KCNN3: variants seen among roughly 807,000 people sequenced by gnomAD.
KCNN3 encodes the protein small conductance calcium-activated potassium channel protein 3.
In KCNN3, 16 loss-of-function variants were observed where a neutral mutation model predicts 62.9. The ratio of observed to expected loss-of-function variants is 0.25; its 90% CI spans 0.17 to 0.39. KCNN3 has a LOEUF of 0.39. Among genes scored for constraint, KCNN3 ranks in the 10% least tolerant of loss-of-function variants. The pLI, the probability that KCNN3 is intolerant of heterozygous loss-of-function variation, is 1.00. For missense variants in KCNN3, 599 were observed against 949.4 expected, an observed-to-expected ratio of 0.63 and a Z score of 4.85; for synonymous variants, 370 against 389.2, an observed-to-expected ratio of 0.95 and a Z score of 0.58.
chr1:154,748,272 G>A (rs1700983805), intron 3 of KCNN3, among the ~76,000 whole-genome samples: 1 of 151,880 alleles, frequency 6.6e-6, no homozygotes, highest in Non-Finnish European at 1.5e-5. Context: ...ACCCGCCCGG[G>A]GCCCTCAGTC....
rs896108252 is a variant in KCNN3 at position 154,699,697 on chromosome 1, T to C, written c.*8279A>G. 6.6e-6 allele frequency: 1 copy of C among 152,194 alleles called. No homozygotes were observed. The highest frequency in any genetic ancestry group is 2.4e-5 in the African/African-American group (1 of 41,444). 9.4% of individuals were successfully genotyped at this position (152,194 alleles called of 1,614,324 possible). A position where few individuals can be genotyped will look rare whatever the true frequency, so the allele number is the denominator to read the frequency against. On this transcript the variant is annotated 3_prime_UTR_variant, in exon 8 of 8. Transcript: ENST00000271915. ...AATGTTTCTAGATGGTTAAACTAACTTCTCTTGCTATTTTCCTCTAGGGGA... is the reference window on the plus strand; with the variant it reads ...AATGTTTCTAGATGGTTAAACTAACCTCTCTTGCTATTTTCCTCTAGGGGA...
intron 3 of KCNN3, among the ~76,000 whole-genome samples, chr1:154,748,773 C>A (rs1449874476): frequency 6.6e-6 from 1 of 152,150 alleles, no homozygotes; most frequent in Non-Finnish European, 1.5e-5. Flanking sequence ...CCAGACTGGG[C>A]AACATAGTGA....
At chr1:154,839,206 C>T (rs1017104438) in intron 1 of KCNN3, among the ~76,000 whole-genome samples, 1 of 152,154 alleles carries the variant, frequency 6.6e-6, no homozygotes, top group Admixed American at 6.5e-5. Context: ...TGCCCACCAC[C>T]ATCGAGTGAC....
intron 1 of KCNN3, among the ~76,000 whole-genome samples, chr1:154,849,852 C>G (rs1370047136): frequency 6.6e-6 from 1 of 152,178 alleles, no homozygotes. Flanking sequence ...GCATCCCTGG[C>G]CTCTCCACAT....
Position 154,713,033 on chromosome 1 carries a change from C to G in KCNN3, c.1899+431G>C, listed in dbSNP as rs145186155. On this transcript the variant is annotated intron_variant, in intron 7 of 7. Coordinates refer to ENST00000271915, the MANE Select transcript of KCNN3 (RefSeq NM_002249.6). ...AGTTGGTTAAGGACTGGAGGATGTA[C>G]AAAAATGAACTTCCAAGTATTACAG... 3.9e-5 allele frequency among the ~76,000 whole-genome samples: 6 copies of G among 152,276 alleles called. No homozygotes were observed. In the East Asian group the frequency reaches 1.2e-3, roughly 29 times the overall value.
rs772281829 is a variant in KCNN3 at position 154,862,830 on chromosome 1, C to T, written c.933+6202G>A. On this transcript the variant is annotated intron_variant, in intron 1 of 7. Transcript: ENST00000271915. The surrounding 1 kb of genome is among the most constrained non-coding windows in gnomAD (Gnocchi z 4.1). ...CGTGGTAAAGTTCCTCCTGTTCCAA[C>T]ATTTTGCATCACGGGTCTCAGTGCC... Among the ~76,000 whole-genome samples, 1 of 152,198 alleles carries T rather than the reference C, an allele frequency of 6.6e-6. No homozygotes were observed. Among genetic ancestry groups the T allele is most frequent in the Non-Finnish European group, 1.5e-5 (1 of 68,034 alleles).
intron 3 of KCNN3, among the ~76,000 whole-genome samples, chr1:154,742,802 C>T (rs918648950): frequency 1.3e-5 from 2 of 152,230 alleles, no homozygotes; most frequent in Non-Finnish European, 2.9e-5. Context: ...GCAAGTGATA[C>T]AGATAGAGGT....
rs138298078 is a variant in KCNN3, at chr1:154,852,892, C to G, written c.933+16140G>C. On this transcript the variant is annotated intron_variant, in intron 1 of 7. Coordinates refer to ENST00000271915, the MANE Select transcript of KCNN3 (RefSeq NM_002249.6). ...CCTCAGGGCCTTCACCTTGCTATTC[C>G]TCTTCCCCCAGGTGGCTGGATCCCT... Among the ~76,000 whole-genome samples, 576 of 152,316 alleles carry G rather than the reference C, an allele frequency of 3.8e-3. 3 individuals carry two copies. The highest frequency in any genetic ancestry group is 0.013 in the African/African-American group (549 of 41,562).
chr1:154,869,474 C>CATGGCACTCCGTGAAGG lies in KCNN3; in HGVS notation c.490_491insCCTTCACGGAGTGCCAT (p.Arg164ProfsTer18). The CATGGCACTCCGTGAAGG allele has an allele frequency of 6.2e-7, 1 of 1,614,088 alleles. No homozygotes were observed. Among genetic ancestry groups the CATGGCACTCCGTGAAGG allele is most frequent in the East Asian group, 2.2e-5 (1 of 44,872 alleles). On this transcript the variant is annotated frameshift_variant, in exon 1 of 8. Coordinates refer to ENST00000271915, the MANE Select transcript of KCNN3 (RefSeq NM_002249.6). LOFTEE classifies it high-confidence loss of function. The surrounding 1 kb of genome is among the most constrained non-coding windows in gnomAD (Gnocchi z 6.1). ...CTCCGTGAAGGGGTTGCTGTCCCGC[C>CATGGCACTCCGTGAAGG]GGTGCACCAGGGGGCTGGCCTGTCG...
chr1:154,793,845 T>C (rs1649617291), intron 2 of KCNN3, among the ~76,000 whole-genome samples: 1 of 152,168 alleles, frequency 6.6e-6, no homozygotes, highest in African/African-American at 2.4e-5. Flanking sequence ...CCAAAGTCAG[T>C]GTGGAGGCGG....
chr1:154,725,353 A>C (rs2101781493), intron 5 of KCNN3, among the ~76,000 whole-genome samples: 1 of 152,260 alleles, frequency 6.6e-6, no homozygotes, highest in East Asian at 1.9e-4. Flanking sequence ...AGGTTATACC[A>C]TTGTAGGCTA....
rs372547701 is a variant in KCNN3, at chr1:154,725,918, G to A, written c.1699C>T (p.Arg567Trp). The change falls in exon 5 of 8, where the codon CGG becomes TGG. Residue 567 changes from arginine to tryptophan, a missense_variant and splice_region_variant. By Grantham distance (101) the Arg-to-Trp change is moderately radical (BLOSUM62 -3). Transcript: ENST00000271915. Reference sequence around the variant, plus strand: ...GACATGGCTGTGTGGCATCTTACCCGCTTGGTGAGCTGAGTGTCCATCATG... The same window carrying A: ...GACATGGCTGTGTGGCATCTTACCCACTTGGTGAGCTGAGTGTCCATCATG... ...NFMMDTQLTK[R>W]IKNAAANVLR... 2.5e-6 allele frequency: 4 copies of A among 1,612,170 alleles called. No homozygotes were observed. Among genetic ancestry groups the A allele is most frequent in the African/African-American group, 2.7e-5 (2 of 74,856 alleles).
At chr1:154,716,760 G>A (rs1700240141) in intron 5 of KCNN3, among the ~76,000 whole-genome samples, 1 of 152,224 alleles carries the variant, frequency 6.6e-6, no homozygotes, top group South Asian at 2.1e-4. Flanking sequence ...TGGAAAGTTG[G>A]AAACGGTGGA....
At chr1:154,768,689 A>G (rs1441113891) in intron 3 of KCNN3, among the ~76,000 whole-genome samples, 1 of 152,214 alleles carries the variant, frequency 6.6e-6, no homozygotes, top group Non-Finnish European at 1.5e-5. Context: ...TCACAACCCC[A>G]GCTAAGGGAA....
intron 2 of KCNN3, among the ~76,000 whole-genome samples, chr1:154,795,810 G>A (rs1269577399): frequency 1.3e-5 from 2 of 152,148 alleles, no homozygotes; most frequent in African/African-American, 4.8e-5. Flanking sequence ...TGGGGCACAG[G>A]GGACTCCAGG....
chr1:154,812,716 G>C (rs1161239958), intron 2 of KCNN3, among the ~76,000 whole-genome samples: 1 of 152,160 alleles, frequency 6.6e-6, no homozygotes, highest in Non-Finnish European at 1.5e-5. Context: ...CTGTGTGTAA[G>C]AGACTCAAGA....
intron 2 of KCNN3, among the ~76,000 whole-genome samples, chr1:154,785,021 A>C (rs540353777): frequency 6.6e-6 from 1 of 152,376 alleles, no homozygotes; most frequent in Non-Finnish European, 1.5e-5. Flanking sequence ...ATCCCAGGCC[A>C]GGCCAATAGG....
intron 2 of KCNN3, among the ~76,000 whole-genome samples, chr1:154,813,567 C>A (rs995922034): frequency 6.6e-6 from 1 of 152,144 alleles, no homozygotes; most frequent in Admixed American, 6.5e-5. Context: ...GACCCCTCCC[C>A]ACCCCGTCCT....
At chr1:154,866,894 G>A (rs557181197) in intron 1 of KCNN3, among the ~76,000 whole-genome samples, 1 of 152,312 alleles carries the variant, frequency 6.6e-6, no homozygotes, top group Admixed American at 6.5e-5. Context: ...CCCCTCAGGG[G>A]TGGCACCTGC....
Sources: allele counts gnomAD v4.1 joint callset (sites outside exome capture counted in the v4.1 genomes callset), GRCh38; gene constraint gnomAD v4.1.1; non-coding constraint Gnocchi (gnomAD v3.1); transcripts MANE v1.5; gene names NCBI Gene and HGNC (gene_info 2026-07-23, HGNC 2026-07-21).